The following EPHB1 variants were observed in gnomAD, a reference collection of about 807,000 sequenced individuals.
The protein encoded by EPHB1 is ephrin type-B receptor 1.
A neutral mutation model predicts 94.4 loss-of-function variants in EPHB1; 30 were observed. That is an observed-to-expected ratio of 0.32 (90% CI 0.24 to 0.43). The LOEUF is 0.43. Among genes scored for constraint, EPHB1 ranks in the 20% least tolerant of loss-of-function variants. The pLI, the probability that EPHB1 is intolerant of heterozygous loss-of-function variation, is 1.00. For synonymous variants in EPHB1, 522 were observed against 489.1 expected (o/e 1.07, Z -0.89); for missense variants, 1,055 against 1,308.3 (o/e 0.81, Z 2.99).
intron 2 of EPHB1, among the ~76,000 whole-genome samples, chr3:134,936,874 C>T (rs1398281979): frequency 1.3e-5 from 2 of 152,170 alleles, no homozygotes; most frequent in Non-Finnish European, 2.9e-5. Flanking sequence ...CAGGGGTAGG[C>T]AGTGCTTCAA....
rs151179690 is a variant in EPHB1, at chr3:134,814,115, G to A, written c.58+18426G>A. Among the ~76,000 whole-genome samples, 20 of 152,280 alleles carry A rather than the reference G, an allele frequency of 1.3e-4. No individual in the cohort carries two copies. In the East Asian group the frequency reaches 2.7e-3, roughly 21 times the overall value. On this transcript the variant is annotated intron_variant, in intron 1 of 15. Coordinates refer to ENST00000398015, the MANE Select transcript of EPHB1 (RefSeq NM_004441.5). ...GGATCACTCAGGGAGAGGCTGATGC[G>A]CATGCCACCGTGGCAAGAAAACCAG...
intron 10 of EPHB1, among the ~76,000 whole-genome samples, chr3:135,185,391 T>C (rs934888816): frequency 5.3e-5 from 8 of 152,164 alleles, no homozygotes; most frequent in African/African-American, 1.7e-4. Flanking sequence ...CAAGAAGCAT[T>C]TCTAGGAGAA....
chr3:135,225,599 C>T (rs559916336), intron 12 of EPHB1, among the ~76,000 whole-genome samples: 45 of 152,274 alleles, frequency 3.0e-4, no homozygotes, highest in African/African-American at 1.0e-3. Context: ...ACTGCTATGA[C>T]TCTCAAGATT....
chr3:135,112,967 C>T (rs936366606), intron 4 of EPHB1, among the ~76,000 whole-genome samples: 12 of 152,174 alleles, frequency 7.9e-5, no homozygotes, highest in African/African-American at 2.9e-4. Flanking sequence ...TAGTGTAAGT[C>T]ACCCTGTGTG....
At chr3:134,885,802 C>T (rs2037851416) in intron 1 of EPHB1, among the ~76,000 whole-genome samples, 1 of 152,172 alleles carries the variant, frequency 6.6e-6, no homozygotes, top group South Asian at 2.1e-4. Flanking sequence ...CAAGGAACCC[C>T]TTCAAGGAAG....
At chr3:135,148,539 C>G (rs1941088657) in intron 5 of EPHB1, among the ~76,000 whole-genome samples, 1 of 151,718 alleles carries the variant, frequency 6.6e-6, no homozygotes, top group Non-Finnish European at 1.5e-5. Context: ...ATCTTCGATA[C>G]TACTGGCAGT....
At chr3:134,908,928 G>A (rs2038393562) in intron 1 of EPHB1, among the ~76,000 whole-genome samples, 1 of 151,648 alleles carries the variant, frequency 6.6e-6, no homozygotes, top group Admixed American at 6.6e-5. Flanking sequence ...GAGATGAAGT[G>A]AGCCTGATGG....
intron 1 of EPHB1, among the ~76,000 whole-genome samples, chr3:134,840,044 C>CT (rs921676982): frequency 6.6e-5 from 10 of 152,122 alleles, no homozygotes; most frequent in Non-Finnish European, 1.0e-4. Context: ...TAAGAAATCT[C>CT]TTTTTTTCTA....
intron 4 of EPHB1, among the ~76,000 whole-genome samples, chr3:135,115,607 C>G (rs1295714103): frequency 6.6e-6 from 1 of 152,004 alleles, no homozygotes; most frequent in Non-Finnish European, 1.5e-5. Flanking sequence ...CATGACCTTA[C>G]AGAGCAGGTG....
intron 3 of EPHB1, among the ~76,000 whole-genome samples, chr3:134,998,176 A>G (rs1935055386): frequency 6.6e-6 from 1 of 152,162 alleles, no homozygotes; most frequent in Admixed American, 6.5e-5. Flanking sequence ...TGAAAAATAC[A>G]GTTTCCTGCA....
At chr3:134,857,537 G>A (rs769645134) in intron 1 of EPHB1, among the ~76,000 whole-genome samples, 15 of 152,218 alleles carry the variant, frequency 9.9e-5, no homozygotes, top group Non-Finnish European at 1.9e-4. Context: ...ATTTCAGTTT[G>A]GCATGTGCCT....
At chr3:135,057,787 G>A (rs528537487) in intron 3 of EPHB1, among the ~76,000 whole-genome samples, 5 of 152,288 alleles carry the variant, frequency 3.3e-5, no homozygotes, top group East Asian at 1.9e-4. Context: ...ACATGAAAGC[G>A]TGTCCTATGT....
intron 1 of EPHB1, among the ~76,000 whole-genome samples, chr3:134,797,832 T>A (rs2035860270): frequency 6.6e-6 from 1 of 151,926 alleles, no homozygotes; most frequent in African/African-American, 2.4e-5. Context: ...CCAGCAAGGG[T>A]TAAAAGAAAC....
At chr3:135,035,995 T>TA (rs1936632649) in intron 3 of EPHB1, among the ~76,000 whole-genome samples, 3 of 152,236 alleles carry the variant, frequency 2.0e-5, no homozygotes, top group Non-Finnish European at 4.4e-5. Flanking sequence ...CTAACATTCA[T>TA]TTATCTATCT....
intron 3 of EPHB1, among the ~76,000 whole-genome samples, chr3:135,005,185 C>G (rs919826311): frequency 1.3e-5 from 2 of 152,274 alleles, no homozygotes; most frequent in African/African-American, 4.8e-5. Context: ...ACAGACAGGA[C>G]CCTCAGCTGC....
chr3:134,927,932 G>A (rs1237745776), intron 2 of EPHB1, among the ~76,000 whole-genome samples: 1 of 152,356 alleles, frequency 6.6e-6, no homozygotes, highest in African/African-American at 2.4e-5. Flanking sequence ...GGGTGGAAAA[G>A]GAGGATCAAG....
intron 1 of EPHB1, among the ~76,000 whole-genome samples, chr3:134,826,719 G>T (rs930082411): frequency 6.6e-6 from 1 of 152,140 alleles, no homozygotes; most frequent in Non-Finnish European, 1.5e-5. Flanking sequence ...TTTCCACAGG[G>T]AGTACAAAGT....
At chr3:134,936,932 G>A (rs975627298) in intron 2 of EPHB1, among the ~76,000 whole-genome samples, 7 of 152,332 alleles carry the variant, frequency 4.6e-5, no homozygotes, top group South Asian at 2.1e-4. Flanking sequence ...GGGGCTGACC[G>A]TGGGATGCAA....
intron 3 of EPHB1, among the ~76,000 whole-genome samples, chr3:135,067,215 T>C (rs1937591732): frequency 6.6e-6 from 1 of 152,090 alleles, no homozygotes. Context: ...TGTGGTAGTA[T>C]GGAGAGGCAC....
Sources: gnomAD v4.1 joint callset for allele counts (sites outside exome capture counted in the v4.1 genomes callset) on GRCh38, gnomAD v4.1.1 for gene constraint, MANE v1.5 for transcripts, NCBI Gene and HGNC (gene_info 2026-07-23, HGNC 2026-07-21) for gene names.